Variants in EML6 observed in about 807,000 individuals in gnomAD.
The protein encoded by EML6 is echinoderm microtubule-associated protein-like 6.
Under a neutral mutation model 240.1 loss-of-function variants are expected in EML6, and 154 were observed. The observed-to-expected ratio is 0.64, with a 90% confidence interval of 0.56 to 0.73. The LOEUF (loss-of-function observed/expected upper bound fraction) is 0.73. Ranked by LOEUF, EML6 falls within the 30% of genes least tolerant of loss-of-function variation. The pLI, the probability that EML6 is intolerant of heterozygous loss-of-function variation, is 0.00. For missense variants in EML6, 2,964 were observed against 2,474.6 expected, an observed-to-expected ratio of 1.20 and a Z score of -4.20; for synonymous variants, 1,148 against 899.0, an observed-to-expected ratio of 1.28 and a Z score of -4.95.
At position 54,847,513 on chromosome 2, in the gene EML6, G is replaced by A; in HGVS notation, c.1077G>A (p.Leu359=). Residue 359 remains leucine, a synonymous_variant, in exon 9 of 42, where the codon TTG becomes TTA. Transcript: ENST00000356458. ...TGTGGAGCCTGGCTGATCATGCCTTGATCGCCCGCTGTAACATGGAAGAGG... is the reference window on the plus strand; with the variant it reads ...TGTGGAGCCTGGCTGATCATGCCTTAATCGCCCGCTGTAACATGGAAGAGG... ...VRLWSLADHA[L]IARCNMEEAV... 6.4e-7 allele frequency: 1 copy of A among 1,551,836 alleles called. No individual in the cohort carries two copies. Among genetic ancestry groups the A allele is most frequent in the Non-Finnish European group, 8.7e-7 (1 of 1,147,060 alleles).
chr2:54,725,030 G>T lies in EML6; in HGVS notation c.-32G>T, dbSNP rs574449759. 5 of 1,475,562 alleles carry T rather than the reference G, an allele frequency of 3.4e-6. No individual in the cohort carries two copies. Among genetic ancestry groups the T allele is most frequent in the Non-Finnish European group, 4.5e-6 (5 of 1,114,068 alleles). 91.4% of individuals were successfully genotyped at this position (1,475,562 alleles called of 1,614,324 possible). ...TCGGCGAGGACGGCCCCGGCGCGCG[G>T]GGGGGCGGGGGGCGCGCGGGGTCGG... On this transcript the variant is annotated 5_prime_UTR_variant, in exon 2 of 42. Coordinates refer to ENST00000356458, the MANE Select transcript of EML6 (RefSeq NM_001039753.4). This position sits in a 1 kb window ranked among gnomAD's most constrained non-coding sequence, Gnocchi z 4.3.
chr2:54,933,586 T>C (rs543066380), intron 28 of EML6, among the ~76,000 whole-genome samples: 2 of 151,956 alleles, frequency 1.3e-5, no homozygotes, highest in African/African-American at 2.4e-5. Flanking sequence ...ATACAAAAAT[T>C]AGCCTGGTAT....
At chr2:54,865,014 T>A (rs35579392) in intron 13 of EML6, among the ~76,000 whole-genome samples, 8,716 of 152,290 alleles carry the variant, frequency 0.057, 341 homozygotes, top group East Asian at 0.22. Context: ...TCTGTGGCCA[T>A]ACAACCCTGA....
chr2:54,916,962 C>CCTTAATAACCTTAAATA (rs1362744995), intron 26 of EML6, 27 bp downstream of exon 26: 1 of 1,489,898 alleles, frequency 6.7e-7, no homozygotes, highest in Non-Finnish European at 9.1e-7. Context: ...ATTATCTTTA[C>CCTTAATAACCTTAAATA]TTGCTCAGTC....
intron 2 of EML6, among the ~76,000 whole-genome samples, chr2:54,791,163 C>A (rs2053326): frequency 1.3e-5 from 2 of 151,986 alleles, no homozygotes; most frequent in Non-Finnish European, 2.9e-5. Flanking sequence ...TGAGGGAGGA[C>A]GTGTAGGGTT....
chr2:54,904,002 C>G (rs1392576327), intron 24 of EML6, among the ~76,000 whole-genome samples: 1 of 152,198 alleles, frequency 6.6e-6, no homozygotes, highest in Non-Finnish European at 1.5e-5. Context: ...CCTACCTCCT[C>G]CAAGTCATGC....
intron 29 of EML6, among the ~76,000 whole-genome samples, chr2:54,949,393 T>G (rs962431773): frequency 3.9e-5 from 6 of 152,152 alleles, no homozygotes; most frequent in Admixed American, 3.9e-4. Flanking sequence ...TCATACAATC[T>G]TCACACACAG....
intron 22 of EML6, among the ~76,000 whole-genome samples, chr2:54,902,538 A>G (rs1386518126): frequency 2.0e-5 from 3 of 152,068 alleles, no homozygotes; most frequent in Non-Finnish European, 4.4e-5. Context: ...AGTTGGAATT[A>G]CAGGCATGTG....
rs529929379 is a variant in EML6, at chr2:54,890,089, A to T, written c.2439-965A>T. ...TGGGTGTTGAGTGGTTTATTTTTTA[A>T]ATCATGGGTGACTGTTAGGTTTTTG... On this transcript the variant is annotated intron_variant, in intron 17 of 41. Transcript: ENST00000356458. Among the ~76,000 whole-genome samples, 11 of 152,294 alleles carry T rather than the reference A, an allele frequency of 7.2e-5. No individual in the cohort carries two copies. The South Asian group carries it at 2.1e-3, about 29-fold the overall frequency.
At chr2:54,743,348 A>G (rs1337142285) in intron 2 of EML6, among the ~76,000 whole-genome samples, 1 of 152,258 alleles carries the variant, frequency 6.6e-6, no homozygotes, top group East Asian at 1.9e-4. Context: ...TGCGAACTCC[A>G]AATGACAGTG....
At chr2:54,797,202 A>G (rs980610741) in intron 2 of EML6, among the ~76,000 whole-genome samples, 1 of 145,394 alleles carries the variant, frequency 6.9e-6, no homozygotes, top group South Asian at 2.2e-4. Flanking sequence ...GTGATCTTGT[A>G]GGTCTAAGGT....
At chr2:54,862,764 G>T (rs1670751328) in intron 12 of EML6, among the ~76,000 whole-genome samples, 1 of 152,162 alleles carries the variant, frequency 6.6e-6, no homozygotes, top group African/African-American at 2.4e-5. Flanking sequence ...AGTAGTCAGG[G>T]AAAAGAGAAT....
chr2:54,914,131 C>T (rs1209096963), intron 25 of EML6, among the ~76,000 whole-genome samples: 3 of 152,168 alleles, frequency 2.0e-5, no homozygotes, highest in Non-Finnish European at 4.4e-5. Context: ...TTTGACTATT[C>T]AGCCTCTTTT....
At chr2:54,830,946 A>C (rs1450520119) in intron 7 of EML6, among the ~76,000 whole-genome samples, 2 of 152,206 alleles carry the variant, frequency 1.3e-5, no homozygotes, top group African/African-American at 2.4e-5. Context: ...TTTGGTGTCT[A>C]CCTCAATGTA....
intron 35 of EML6, among the ~76,000 whole-genome samples, chr2:54,962,248 G>T (rs1324868324): frequency 6.6e-6 from 1 of 151,734 alleles, no homozygotes; most frequent in East Asian, 2.0e-4. Context: ...TGGCCAAATA[G>T]ACATAAAATT....
At chr2:54,818,212 A>G (rs1437745132) in intron 4 of EML6, among the ~76,000 whole-genome samples, 2 of 150,612 alleles carry the variant, frequency 1.3e-5, no homozygotes, top group East Asian at 3.8e-4. Context: ...CCTTACTTAG[A>G]AAAATAGCCT....
At chr2:54,743,637 A>G (rs1325831978) in intron 2 of EML6, among the ~76,000 whole-genome samples, 1 of 152,168 alleles carries the variant, frequency 6.6e-6, no homozygotes, top group Non-Finnish European at 1.5e-5. Context: ...TAAGAAGCCC[A>G]TAGTGAAAAA....
chr2:54,799,627 A>G (rs892052119), intron 2 of EML6, among the ~76,000 whole-genome samples: 12 of 152,156 alleles, frequency 7.9e-5, no homozygotes, highest in African/African-American at 2.4e-4. Context: ...AAGGGCGTGA[A>G]CCATCGTGCC....
chr2:54,811,058 C>A (rs1336132927), intron 2 of EML6, among the ~76,000 whole-genome samples: 1 of 152,106 alleles, frequency 6.6e-6, no homozygotes, highest in Non-Finnish European at 1.5e-5. Context: ...GCATTTCCCC[C>A]TCTGTTCTCA....
Sources: allele counts gnomAD v4.1 joint callset (sites outside exome capture counted in the v4.1 genomes callset), GRCh38; gene constraint gnomAD v4.1.1; non-coding constraint Gnocchi (gnomAD v3.1); transcripts MANE v1.5; gene names NCBI Gene and HGNC (gene_info 2026-07-23, HGNC 2026-07-21).